Variants in MFAP5 observed in about 807,000 individuals in gnomAD.
The protein encoded by MFAP5 is microfibrillar-associated protein 5.
In MFAP5, 19 loss-of-function variants were observed where a neutral mutation model predicts 30.1. The ratio of observed to expected loss-of-function variants is 0.63; its 90% CI spans 0.44 to 0.93. The LOEUF (loss-of-function observed/expected upper bound fraction) is 0.93, where lower values mean the gene tolerates loss of function less well. Among genes scored for constraint, MFAP5 ranks in the 40% least tolerant of loss-of-function variants. MFAP5 has a pLI of 0.00. For missense variants in MFAP5, 210 were observed against 221.3 expected, an observed-to-expected ratio of 0.95 and a Z score of 0.32; for synonymous variants, 92 against 72.9, an observed-to-expected ratio of 1.26 and a Z score of -1.33.
intron 6 of MFAP5, 126 bp from the exon 7 acceptor site, chr12:8,651,817 T>A: frequency 1.2e-6 from 1 of 814,678 alleles, no homozygotes; most frequent in Non-Finnish European, 2.1e-6. Context: ...AATTAATAAC[T>A]CTTAGCAACT....
At chr12:8,655,614 AGAC>A (rs1941960762) in intron 4 of MFAP5, among the ~76,000 whole-genome samples, 167 bp from the exon 5 acceptor site, 1 of 152,242 alleles carries the variant, frequency 6.6e-6, no homozygotes, top group Admixed American at 6.5e-5. Context: ...AGAGAGAGTA[AGAC>A]TGGGCATGCG....
intron 6 of MFAP5, among the ~76,000 whole-genome samples, chr12:8,652,680 T>G (rs1403200841): frequency 2.6e-5 from 4 of 152,214 alleles, no homozygotes; most frequent in Admixed American, 2.6e-4. Context: ...CAGGTGTATA[T>G]GCTGATAATT....
chr12:8,649,051 ATTTT>A (rs917005290), intron 9 of MFAP5, among the ~76,000 whole-genome samples: 4 of 152,146 alleles, frequency 2.6e-5, no homozygotes, highest in Non-Finnish European at 4.4e-5. Flanking sequence ...TGTCCCATCT[ATTTT>A]TTATTTATAG....
In MFAP5 at chr12:8,656,604, A is replaced by G. The variant is rs1331278631; in HGVS notation, c.95-774T>C. 1.0e-3 allele frequency among the ~76,000 whole-genome samples: 146 copies of G among 141,692 alleles called. 1 individual carries two copies. The highest frequency in any genetic ancestry group is 3.8e-3 in the African/African-American group (136 of 35,516). The allele number at this position is 141,692 out of a possible 152,430, so 93.0% of individuals were successfully genotyped here. A position where few individuals can be genotyped will look rare whatever the true frequency, so the allele number is the denominator to read the frequency against. Reference sequence around the variant, plus strand: ...TATATATATATATACACACACACACACACACATATATATACACACATACAC... The same window carrying G: ...TATATATATATATACACACACACACGCACACATATATATACACACATACAC... On this transcript the variant is annotated intron_variant, in intron 3 of 9. Coordinates refer to ENST00000359478, the MANE Select transcript of MFAP5 (RefSeq NM_003480.4).
At position 8,655,439 on chromosome 12, in the gene MFAP5, T is replaced by C. The variant is rs965045301; in HGVS notation, c.148A>G (p.Asn50Asp). 6.2e-7 allele frequency: 1 copy of C among 1,606,732 alleles called. No homozygotes were observed. The highest frequency in any genetic ancestry group is 1.7e-5 in the Admixed American group (1 of 58,458). Residue 50 changes from asparagine to aspartate, a missense_variant, in exon 5 of 10, where the codon AAT (asparagine) becomes GAT (aspartate). Asn to Asp is a conservative substitution (Grantham distance 23). Transcript: ENST00000359478. ...ETFTEDPNLV[N>D]DPATDETVLA... ...CCTGTTTCATCTGTAGCGGGATCATTCACCAGATCTGCAAAGACACATAAC... is the reference window on the plus strand; with the variant it reads ...CCTGTTTCATCTGTAGCGGGATCATCCACCAGATCTGCAAAGACACATAAC...
chr12:8,654,226 C>T (rs1019419464), intron 6 of MFAP5: 3 of 471,012 alleles, frequency 6.4e-6, no homozygotes, highest in South Asian at 4.4e-5. Context: ...CCCATCAAGT[C>T]TTGAAACTTT....
intron 3 of MFAP5, among the ~76,000 whole-genome samples, chr12:8,660,565 G>A (rs945732894): frequency 6.6e-6 from 1 of 152,068 alleles, no homozygotes; most frequent in Non-Finnish European, 1.5e-5. Flanking sequence ...AGTAAGATAG[G>A]AGATGTGTAA....
chr12:8,656,056 A>ATTT (rs1941972857), intron 3 of MFAP5, among the ~76,000 whole-genome samples: 1 of 138,090 alleles, frequency 7.2e-6, no homozygotes, highest in African/African-American at 2.9e-5. Flanking sequence ...GACATTCATA[A>ATTT]TTCTTTTTTT....
At position 8,662,076 on chromosome 12, in the gene MFAP5, A is replaced by G; in HGVS notation, c.29T>C (p.Leu10Pro). Residue 10 changes from leucine to proline, a missense_variant, in exon 2 of 10, where the codon CTG becomes CCG. Leu to Pro is a moderately conservative substitution (Grantham distance 98, BLOSUM62 -3). Transcript: ENST00000359478. ...GGTGATGATGAATGCAGCAAGAAAC[A>G]GCAGCACCTTGGGTCCCAAGAGCGA... MSLLGPKVLLFLAAFIITSD... is the reference protein window; with the variant it reads MSLLGPKVLPFLAAFIITSD... 1.2e-6 allele frequency: 2 copies of G among 1,613,934 alleles called. No homozygotes were observed. The highest frequency in any genetic ancestry group is 2.2e-5 in the South Asian group (2 of 91,010).
chr12:8,655,214 A>G (rs1484991833), intron 5 of MFAP5, among the ~76,000 whole-genome samples: 1 of 152,114 alleles, frequency 6.6e-6, no homozygotes, highest in African/African-American at 2.4e-5. Context: ...TGAACCCAGG[A>G]AGTAGGGGTT....
chr12:8,662,217 T>G, intron 1 of MFAP5, 111 bp from the exon 2 acceptor site: 2 of 813,870 alleles, frequency 2.5e-6, no homozygotes, highest in Non-Finnish European at 3.9e-6. Flanking sequence ...TCCCAGAACT[T>G]TCTTCATTTT....
chr12:8,654,521 A>C, intron 5 of MFAP5, 40 bp from the exon 6 acceptor site: 2 of 1,567,912 alleles, frequency 1.3e-6, no homozygotes, highest in Non-Finnish European at 1.7e-6. Flanking sequence ...GAGGGCTTCA[A>C]ATTGCAAACA....
intron 5 of MFAP5, 103 bp downstream of exon 5, chr12:8,655,311 CA>C: frequency 8.8e-7 from 1 of 1,140,510 alleles, no homozygotes; most frequent in East Asian, 2.5e-5. Flanking sequence ...TAACAAAAAA[CA>C]AAAGCAAATA....
chr12:8,654,621 T>C lies in MFAP5; in HGVS notation c.173-140A>G, dbSNP rs1941932120. 3 of 680,466 alleles carry C rather than the reference T, an allele frequency of 4.4e-6. No homozygotes were observed. The South Asian group carries it at 7.9e-5, about 18-fold the overall frequency. The allele number at this position is 680,466 out of a possible 1,614,324, so 42.2% of individuals were successfully genotyped here. A position where few individuals can be genotyped will look rare whatever the true frequency, so the allele number is the denominator to read the frequency against. On this transcript the variant is annotated intron_variant, in intron 5 of 9. Coordinates refer to ENST00000359478, the MANE Select transcript of MFAP5 (RefSeq NM_003480.4). Reference sequence around the variant, plus strand: ...GTGTTTTATGTATAAGGGAATAGAATTAATTAAATAATTATAAATTTTTTT... The same window carrying C: ...GTGTTTTATGTATAAGGGAATAGAACTAATTAAATAATTATAAATTTTTTT...
chr12:8,657,059 A>C (rs947994838), intron 3 of MFAP5, among the ~76,000 whole-genome samples: 2 of 152,220 alleles, frequency 1.3e-5, no homozygotes, highest in African/African-American at 4.8e-5. Flanking sequence ...GAGGATATGG[A>C]TATGTGAATT....
intron 8 of MFAP5, among the ~76,000 whole-genome samples, chr12:8,649,955 C>A (rs1256475436): frequency 6.6e-6 from 1 of 152,136 alleles, no homozygotes; most frequent in Non-Finnish European, 1.5e-5. Context: ...CCTGAGTCCC[C>A]AAAGTCCATT....
intron 6 of MFAP5, among the ~76,000 whole-genome samples, chr12:8,654,025 C>T (rs1266179265): frequency 6.6e-6 from 1 of 150,976 alleles, no homozygotes; most frequent in Non-Finnish European, 1.5e-5. Flanking sequence ...ACTTGGGAGG[C>T]TGAGAAAGGA....
At chr12:8,654,256 T>C (rs1745840996) in intron 6 of MFAP5, 181 bp downstream of exon 6, 1 of 568,374 alleles carries the variant, frequency 1.8e-6, no homozygotes. Flanking sequence ...ATTAGCACAG[T>C]TCCTGTTTGT....
intron 3 of MFAP5, among the ~76,000 whole-genome samples, chr12:8,656,221 C>T (rs934202221): frequency 4.0e-5 from 6 of 150,934 alleles, no homozygotes; most frequent in Admixed American, 1.3e-4. Flanking sequence ...CCACAGCGCC[C>T]GGCTAATTTT....
Sources: gnomAD v4.1 joint callset for allele counts (sites outside exome capture counted in the v4.1 genomes callset) on GRCh38, gnomAD v4.1.1 for gene constraint, MANE v1.5 for transcripts, NCBI Gene and HGNC (gene_info 2026-07-23, HGNC 2026-07-21) for gene names.